C5orf58: variants seen among roughly 807,000 people sequenced by gnomAD.
The protein encoded by C5orf58 is chromosome 5 open reading frame 58.
Under a neutral mutation model 2.9 loss-of-function variants are expected in C5orf58, and 2 were observed. The ratio of observed to expected loss-of-function variants is 0.69; its 90% CI spans 0.28 to 2.18. The LOEUF (loss-of-function observed/expected upper bound fraction) is 2.18. C5orf58 is among the 30% of genes most tolerant of loss of function. The probability of loss-of-function intolerance (pLI) is 0.13; values close to 1 mark genes in which losing one functional copy is unlikely to be tolerated. For synonymous variants in C5orf58, 37 were observed against 33.4 expected, an observed-to-expected ratio of 1.11 and a Z score of -0.37; for missense variants, 96 against 91.7, an observed-to-expected ratio of 1.05 and a Z score of -0.19.
At chr5:170,235,588 G>C (rs916025934) in intron 3 of C5orf58, among the ~76,000 whole-genome samples, 4 of 152,140 alleles carry the variant, frequency 2.6e-5, no homozygotes, top group Non-Finnish European at 5.9e-5. Context: ...TATTTCTAGG[G>C]ATAATCTATC....
downstream of C5orf58, chr5:170,247,437 T>A (rs1204062646): frequency 2.0e-5 from 3 of 152,266 alleles, no homozygotes; most frequent in African/African-American, 7.2e-5. Flanking sequence ...AAAATGAAGC[T>A]GCAAGATACT....
intron 3 of C5orf58, 96 bp from the exon 4 acceptor site, chr5:170,245,866 A>C: frequency 8.1e-7 from 1 of 1,238,276 alleles, no homozygotes; most frequent in South Asian, 1.5e-5. Flanking sequence ...AATCACTTGG[A>C]AATTAGGAAT....
chr5:170,240,225 G>A (rs1178721515), intron 3 of C5orf58, among the ~76,000 whole-genome samples: 15 of 151,218 alleles, frequency 9.9e-5, no homozygotes, highest in African/African-American at 1.5e-4. Flanking sequence ...GAATAATGCC[G>A]CAGTAAACAT....
intron 3 of C5orf58, among the ~76,000 whole-genome samples, chr5:170,242,533 C>T (rs1282321675): frequency 1.7e-3 from 196 of 112,614 alleles, no homozygotes; most frequent in African/African-American, 6.5e-3. Flanking sequence ...AGGAATTTAT[C>T]CATTTCTTCT....
chr5:170,251,506 T>C (rs968708213), intron 2 of C5orf58: 1 of 325,866 alleles, frequency 3.1e-6, no homozygotes, highest in Non-Finnish European at 6.3e-6. Flanking sequence ...ATAATATTAA[T>C]ACTGTAAAGA....
intron 1 of C5orf58, 69 bp from the exon 2 acceptor site, chr5:170,234,046 A>T: frequency 1.1e-6 from 1 of 897,716 alleles, no homozygotes; most frequent in Non-Finnish European, 1.6e-6. Flanking sequence ...GGCAGCTGAC[A>T]TCCTGGAGAA....
intron 2 of C5orf58, chr5:170,251,282 C>G (rs924733429): frequency 1.0e-5 from 2 of 192,758 alleles, no homozygotes; most frequent in African/African-American, 4.7e-5. Context: ...ATTCCCTAAA[C>G]TTTCTTTTCC....
intron 3 of C5orf58, among the ~76,000 whole-genome samples, chr5:170,239,411 T>C (rs1432146199): frequency 6.0e-5 from 7 of 116,126 alleles, no homozygotes; most frequent in Non-Finnish European, 1.1e-4. Context: ...AAAAAAAAAA[T>C]CAAATCTCAA....
In C5orf58 at chr5:170,238,280, G is replaced by C. The variant is rs546701948; in HGVS notation, c.94+3210G>C. On this transcript the variant is annotated intron_variant, in intron 3 of 3. Transcript: ENST00000593851. Reference sequence around the variant, plus strand: ...GAGAAGATACTGTATCCATGAAAAAGGAACTACATACTATAAAAAATATTC... The same window carrying C: ...GAGAAGATACTGTATCCATGAAAAACGAACTACATACTATAAAAAATATTC... Among the ~76,000 whole-genome samples the C allele has an allele frequency of 2.0e-5, 3 of 152,182 alleles. No individual in the cohort carries two copies. In the South Asian group the frequency reaches 6.2e-4, roughly 32 times the overall value.
downstream of C5orf58, among the ~76,000 whole-genome samples, chr5:170,249,377 T>TAG (rs1378918562): frequency 6.3e-5 from 8 of 127,572 alleles, no homozygotes; most frequent in African/African-American, 1.3e-4. Flanking sequence ...TATATATATA[T>TAG]ATATCTACAT....
At chr5:170,244,381 C>G (rs1761157403) in intron 3 of C5orf58, among the ~76,000 whole-genome samples, 1 of 150,542 alleles carries the variant, frequency 6.6e-6, no homozygotes, top group African/African-American at 2.5e-5. Context: ...TGTTTTCCAA[C>G]TTGGTTCCAT....
chr5:170,251,024 A>G, downstream of C5orf58: 1 of 623,344 alleles, frequency 1.6e-6, no homozygotes, highest in Non-Finnish European at 2.8e-6. Context: ...AAAACCTGTC[A>G]TTCAACGAAC....
At chr5:170,252,537 GAATA>G (rs772787996), downstream of C5orf58, 11 of 1,231,702 alleles carry the variant, frequency 8.9e-6, no homozygotes, top group East Asian at 2.7e-4. Flanking sequence ...TTTAGAAACT[GAATA>G]AATTTTACAG....
In C5orf58 at chr5:170,243,595, C is replaced by T. The variant is rs1358924654; in HGVS notation, c.95-2367C>T. 5.7e-3 allele frequency among the ~76,000 whole-genome samples: 863 copies of T among 150,642 alleles called. 6 individuals carry two copies. Among genetic ancestry groups the T allele is most frequent in the African/African-American group, 0.02 (815 of 40,652 alleles). On this transcript the variant is annotated intron_variant, in intron 3 of 3. Coordinates refer to ENST00000593851, the MANE Select transcript of C5orf58 (RefSeq NM_001102609.3). ...AGTCTGTTTTATCAGAGACTAGGAT[C>T]GCAACCCCTGCCTTTTTTTGTTTTC...
At position 170,246,216 on chromosome 5, in the gene C5orf58, A is replaced by G. The variant is rs1581051452; in HGVS notation, c.*103A>G. 4 of 967,476 alleles carry G rather than the reference A, an allele frequency of 4.1e-6. No homozygotes were observed. Among genetic ancestry groups the G allele is most frequent in the Non-Finnish European group, 5.8e-6 (4 of 683,946 alleles). 59.9% of individuals were successfully genotyped at this position (967,476 alleles called of 1,614,324 possible). ...ATATATAATTTAAAACAAAATAAAA[A>G]TAATGTAAACAAGCAGTTCATGTTC... On this transcript the variant is annotated 3_prime_UTR_variant, in exon 4 of 4. Coordinates refer to ENST00000593851, the MANE Select transcript of C5orf58 (RefSeq NM_001102609.3).
downstream of C5orf58, chr5:170,251,135 C>T (rs1561965139): frequency 1.3e-5 from 5 of 395,008 alleles, no homozygotes; most frequent in East Asian, 4.8e-5. Context: ...AAGTCAATCT[C>T]GTTAAAGCCT....
In C5orf58 at chr5:170,246,046, A is replaced by G. The variant is rs1365284019; in HGVS notation, c.179A>G (p.Asn60Ser). ...GAGAACTTAGCAGAAGCAGAAAGAA[A>G]CAACCCCCTCTTTGAAGAGTCTAAA... ...KTENLAEAER[N>S]NPLFEESKIS... Residue 60 changes from asparagine to serine, a missense_variant, in exon 4 of 4, where the codon AAC (asparagine) becomes AGC (serine). By Grantham distance (46) the Asn-to-Ser change is conservative. Coordinates refer to ENST00000593851, the MANE Select transcript of C5orf58 (RefSeq NM_001102609.3). The G allele has an allele frequency of 1.2e-6, 2 of 1,613,758 alleles. No homozygotes were observed. Among genetic ancestry groups the G allele is most frequent in the Non-Finnish European group, 1.7e-6 (2 of 1,179,704 alleles).
chr5:170,248,626 T>C (rs1761352705), downstream of C5orf58: 3 of 1,571,858 alleles, frequency 1.9e-6, no homozygotes, highest in East Asian at 6.8e-5. Context: ...GTTTGTCCAT[T>C]GACCAAGGCT....
chr5:170,233,731 G>A (rs915426182), intron 1 of C5orf58: 5 of 175,808 alleles, frequency 2.8e-5, no homozygotes, highest in Admixed American at 1.2e-4. Context: ...TGGCCTGGCC[G>A]AGCTCCCCGG....
Sources: allele counts gnomAD v4.1 joint callset (sites outside exome capture counted in the v4.1 genomes callset), GRCh38; gene constraint gnomAD v4.1.1; transcripts MANE v1.5; gene names NCBI Gene and HGNC (gene_info 2026-07-23, HGNC 2026-07-21).